Variants in IYD observed in about 807,000 individuals in gnomAD.
The protein encoded by IYD is iodotyrosine deiodinase.
In IYD, 25 loss-of-function variants were observed where a neutral mutation model predicts 28.4. That is an observed-to-expected ratio of 0.88 (90% CI 0.64 to 1.23). The LOEUF (loss-of-function observed/expected upper bound fraction) is 1.23. Ranked by LOEUF, IYD falls within the 50% of genes most tolerant of loss-of-function variation. IYD has a pLI of 0.00. For missense variants in IYD, 352 were observed against 357.9 expected, an observed-to-expected ratio of 0.98 and a Z score of 0.13; for synonymous variants, 140 against 130.8, an observed-to-expected ratio of 1.07 and a Z score of -0.48.
Position 150,369,196 on chromosome 6 carries a change from C to T in IYD, c.165C>T (p.His55=). 1 of 1,612,772 alleles carries T rather than the reference C, an allele frequency of 6.2e-7. No homozygotes were observed. The highest frequency in any genetic ancestry group is 1.1e-5 in the South Asian group (1 of 91,034). Residue 55 remains histidine (H), a synonymous_variant, in exon 1 of 5, where the codon CAC becomes CAT. Coordinates refer to ENST00000344419, the MANE Select transcript of IYD (RefSeq NM_203395.3). ...DEDLKDSSDL[H]QAEEDADEWQ... is the part of the protein sequence containing the mutation. ...ACTTAAAAGACAGCAGTGACCTGCA[C>T]CAAGCAGAAGAAGGTAAAGACACCA... is the stretch of plus-strand genomic sequence containing the variant.
intron 1 of IYD, chr6:150,370,425 G>A: frequency 7.2e-6 from 5 of 690,982 alleles, no homozygotes; most frequent in Non-Finnish European, 8.9e-6. Context: ...GTGCGCATGA[G>A]TGTGTTTGTG....
chr6:150,383,811 AAAAC>A (rs760228676), intron 1 of IYD, among the ~76,000 whole-genome samples: 20,393 of 146,284 alleles, frequency 0.14, 3,019 homozygotes, highest in African/African-American at 0.35. Flanking sequence ...AAAAAAAACA[AAAAC>A]AAAAACAAAA....
chr6:150,396,475 C>A (rs1243967348), intron 4 of IYD: 1 of 699,116 alleles, frequency 1.4e-6, no homozygotes, highest in Non-Finnish European at 2.6e-6. Flanking sequence ...TTGCAGGTTT[C>A]TACTGCTAGA....
At chr6:150,397,146 A>C (rs916080225) in intron 4 of IYD, among the ~76,000 whole-genome samples, 4 of 152,216 alleles carry the variant, frequency 2.6e-5, no homozygotes. Context: ...GCATGTGTGC[A>C]TGTATCTATA....
Position 150,398,597 on chromosome 6 carries a change from A to G in IYD, c.*360A>G, listed in dbSNP as rs984148393. 5 of 191,746 alleles carry G rather than the reference A, an allele frequency of 2.6e-5. No individual in the cohort carries two copies. Among genetic ancestry groups the G allele is most frequent in the Non-Finnish European group, 5.4e-5 (5 of 92,926 alleles). The allele number at this position is 191,746 out of a possible 1,614,324, so 11.9% of individuals were successfully genotyped here. A position where few individuals can be genotyped will look rare whatever the true frequency, so the allele number is the denominator to read the frequency against. Reference sequence around the variant, plus strand: ...ACCATAGTCCCAAGAATTCAGCTACATGATGACTCGAATTTAAATTTAGAT... The same window carrying G: ...ACCATAGTCCCAAGAATTCAGCTACGTGATGACTCGAATTTAAATTTAGAT... On this transcript the variant is annotated 3_prime_UTR_variant, in exon 5 of 5. Coordinates refer to ENST00000344419, the MANE Select transcript of IYD (RefSeq NM_203395.3).
intron 1 of IYD, among the ~76,000 whole-genome samples, chr6:150,373,880 G>T (rs1221208996): frequency 2.0e-5 from 3 of 152,228 alleles, no homozygotes; most frequent in Admixed American, 1.3e-4. Context: ...AATTTAAGAG[G>T]TTGGTTTGCT....
chr6:150,397,249 T>G (rs1208119471), intron 4 of IYD, among the ~76,000 whole-genome samples: 1 of 152,066 alleles, frequency 6.6e-6, no homozygotes, highest in Admixed American at 6.5e-5. Flanking sequence ...TCCAGGCAGA[T>G]CACTGGAGTT....
intron 1 of IYD, among the ~76,000 whole-genome samples, chr6:150,380,733 G>A (rs1013921324): frequency 8.0e-6 from 1 of 124,794 alleles, no homozygotes; most frequent in Non-Finnish European, 2.0e-5. Context: ...CAATTTATCT[G>A]TGGAAATCAA....
At chr6:150,395,728 C>T (rs1778288557) in intron 4 of IYD, 1 of 712,338 alleles carries the variant, frequency 1.4e-6, no homozygotes, top group Non-Finnish European at 2.5e-6. Context: ...CTGATAAGCG[C>T]GCCATGCATG....
chr6:150,390,899 A>G (rs1265177484), intron 2 of IYD, among the ~76,000 whole-genome samples: 2 of 152,126 alleles, frequency 1.3e-5, no homozygotes, highest in Non-Finnish European at 2.9e-5. Flanking sequence ...TCCCCCCGGG[A>G]GTAGAATGAC....
chr6:150,370,721 G>A (rs1324654301), intron 1 of IYD: 1 of 915,236 alleles, frequency 1.1e-6, no homozygotes, highest in African/African-American at 1.8e-5. Context: ...TGGGAATGCA[G>A]TGGAAGGCGT....
chr6:150,385,582 A>G (rs1777833107), intron 1 of IYD, among the ~76,000 whole-genome samples: 1 of 151,552 alleles, frequency 6.6e-6, no homozygotes, highest in Non-Finnish European at 1.5e-5. Flanking sequence ...TTTTTTATAA[A>G]TTGCTGAATT....
intron 1 of IYD, among the ~76,000 whole-genome samples, chr6:150,375,007 C>T (rs1777394769): frequency 6.6e-6 from 1 of 152,160 alleles, no homozygotes; most frequent in Non-Finnish European, 1.5e-5. Flanking sequence ...TAGGAAAGCA[C>T]TTCCCTATTC....
rs644001 is a variant in IYD at position 150,401,051 on chromosome 6, T to C, written c.*2814T>C. The C allele has an allele frequency of 0.9, 137,239 of 152,156 alleles. 62,001 individuals are homozygous for C. The highest frequency in any genetic ancestry group is 0.93 in the Non-Finnish European group (63,371 of 68,012). The allele number at this position is 152,156 out of a possible 1,614,324, so 9.4% of individuals were successfully genotyped here. A position where few individuals can be genotyped will look rare whatever the true frequency, so the allele number is the denominator to read the frequency against. ...AAAGGTGTGTGTATAGGTGTGTGTT[T>C]GGAGAGTGTGAGCGAGAACTAACAT... is the stretch of plus-strand genomic sequence containing the variant. On this transcript the variant is annotated 3_prime_UTR_variant, in exon 5 of 5. Transcript: ENST00000344419.
At position 150,375,551 on chromosome 6, in the gene IYD, C is replaced by T. The variant is rs904279452; in HGVS notation, c.178+6342C>T. ...TCAGAAATTCTATGCATAGGAACAGCGGGGATGCAAACGGTCAGTATCTAC... is the reference window on the plus strand; with the variant it reads ...TCAGAAATTCTATGCATAGGAACAGTGGGGATGCAAACGGTCAGTATCTAC... On this transcript the variant is annotated intron_variant, in intron 1 of 4. Transcript: ENST00000344419. 2.0e-5 allele frequency among the ~76,000 whole-genome samples: 3 copies of T among 152,258 alleles called. No individual in the cohort carries two copies. The East Asian group carries it at 5.8e-4, about 29-fold the overall frequency.
chr6:150,376,900 G>A (rs1032808058), intron 1 of IYD, among the ~76,000 whole-genome samples: 1 of 152,128 alleles, frequency 6.6e-6, no homozygotes, highest in African/African-American at 2.4e-5. Context: ...GAGATTACAG[G>A]CATGAGCCAC....
At position 150,398,669 on chromosome 6, in the gene IYD, C is replaced by G. The variant is rs1471751866; in HGVS notation, c.*432C>G. ...TCTGATTTCTGGTGGCTTTTAGACA[C>G]TAATTTTTGAGAACTACTTTTTTTT... On this transcript the variant is annotated 3_prime_UTR_variant, in exon 5 of 5. Coordinates refer to ENST00000344419, the MANE Select transcript of IYD (RefSeq NM_203395.3). The G allele has an allele frequency of 6.4e-6, 1 of 155,424 alleles. No homozygotes were observed. Among genetic ancestry groups the G allele is most frequent in the Non-Finnish European group, 1.4e-5 (1 of 71,858 alleles). 9.6% of individuals were successfully genotyped at this position (155,424 alleles called of 1,614,324 possible).
intron 1 of IYD, among the ~76,000 whole-genome samples, chr6:150,382,618 T>C (rs1777690550): frequency 6.6e-6 from 1 of 152,200 alleles, no homozygotes; most frequent in African/African-American, 2.4e-5. Flanking sequence ...TATCCTCTGA[T>C]GTCTTTTACA....
intron 1 of IYD, chr6:150,384,599 A>AAG (rs1452092182): frequency 2.0e-5 from 3 of 152,234 alleles, no homozygotes; most frequent in Non-Finnish European, 4.4e-5. Flanking sequence ...TCCCCTCAAT[A>AAG]ATTTTAACTG....
Sources: allele counts gnomAD v4.1 joint callset (sites outside exome capture counted in the v4.1 genomes callset), GRCh38; gene constraint gnomAD v4.1.1; transcripts MANE v1.5; gene names NCBI Gene and HGNC (gene_info 2026-07-23, HGNC 2026-07-21).